Variants in TM9SF2 observed in about 807,000 individuals in gnomAD.
TM9SF2 encodes transmembrane 9 superfamily member 2.
TM9SF2 carries 13 observed loss-of-function variants against 84.9 expected under a neutral mutation model. That is an observed-to-expected ratio of 0.15 (90% CI 0.10 to 0.24). The LOEUF (loss-of-function observed/expected upper bound fraction) is 0.24, where lower values mean the gene tolerates loss of function less well. TM9SF2 is among the 10% of genes least tolerant of loss of function. The pLI is 1.00. For missense variants in TM9SF2, 562 were observed against 818.5 expected (o/e 0.69, Z 3.82); for synonymous variants, 273 against 285.8 (o/e 0.96, Z 0.45).
rs750807128 is a variant in TM9SF2, at chr13:99,501,676, C to G, written c.70C>G (p.Leu24Val). 6.2e-7 allele frequency: 1 copy of G among 1,613,296 alleles called. No homozygotes were observed. The highest frequency in any genetic ancestry group is 8.5e-7 in the Non-Finnish European group (1 of 1,179,762). Residue 24 changes from leucine (L) to valine (V), a missense_variant, in exon 1 of 17, where the codon CTG becomes GTG. This residue lies in a region of TM9SF2 where 267 missense variants were observed against 316.7 expected (regional missense o/e 0.84). Transcript: ENST00000376387. Reference protein sequence around the residue: ...PRLLLLSLLLLGAVPGPRRSG... With the variant: ...PRLLLLSLLLVGAVPGPRRSG... ...GCTGTTGCTGCTGTCGCTGCTCCTG[C>G]TGGGGGCGGTTCCTGGCCCGCGCCG...
chr13:99,547,510 A>G (rs1012012479), intron 11 of TM9SF2, among the ~76,000 whole-genome samples: 2 of 152,256 alleles, frequency 1.3e-5, no homozygotes, highest in Non-Finnish European at 2.9e-5. Flanking sequence ...CTTTTCTTAC[A>G]TATGAGAAGT....
rs2046308712 is a variant in TM9SF2, at chr13:99,552,323, G to A, written c.1485G>A (p.Lys495=). ...TFIGAYFGFK[K]NAIEHPVRTN... Reference sequence around the variant, plus strand: ...TTGGTGCATACTTTGGTTTTAAGAAGAATGTAAGTTTATAGGTGTTAACTT... The same window carrying A: ...TTGGTGCATACTTTGGTTTTAAGAAAAATGTAAGTTTATAGGTGTTAACTT... Residue 495 remains lysine, a synonymous_variant, in exon 13 of 17, where the codon AAG becomes AAA. Coordinates refer to ENST00000376387, the MANE Select transcript of TM9SF2 (RefSeq NM_004800.3). 2 of 1,612,938 alleles carry A rather than the reference G, an allele frequency of 1.2e-6. No homozygotes were observed. The highest frequency in any genetic ancestry group is 8.5e-7 in the Non-Finnish European group (1 of 1,179,588).
chr13:99,526,309 G>A (rs889525956), intron 3 of TM9SF2, among the ~76,000 whole-genome samples: 30 of 152,366 alleles, frequency 2.0e-4, no homozygotes, highest in African/African-American at 7.2e-4. Context: ...CTGTGCTGCT[G>A]AGTTGGATTT....
chr13:99,559,208 A>G (rs73560268), intron 15 of TM9SF2, among the ~76,000 whole-genome samples, 155 bp from the exon 16 acceptor site: 3,772 of 152,292 alleles, frequency 0.025, 163 homozygotes, highest in African/African-American at 0.086. Context: ...AGGAGAGTGG[A>G]ATGGGTGAAG....
At chr13:99,513,545 A>G (rs2046122052) in intron 1 of TM9SF2, among the ~76,000 whole-genome samples, 1 of 152,144 alleles carries the variant, frequency 6.6e-6, no homozygotes, top group Admixed American at 6.5e-5. Flanking sequence ...GTGTCCTAAA[A>G]TTTTTCACAT....
At position 99,559,531 on chromosome 13, in the gene TM9SF2, A is replaced by G; in HGVS notation, c.1921A>G (p.Thr641Ala). ...MIMVLIFFLF[T>A]GTIGFFACFW... ...AATGGTTTTGATCTTCTTTCTTTTT[A>G]CAGGTAAAATTATAATTTAAGTGAT... Residue 641 changes from threonine (T) to alanine (A), a missense_variant, in exon 16 of 17, where the codon ACA becomes GCA. Physicochemically the swap from Thr to Ala is moderately conservative, Grantham distance 58. Transcript: ENST00000376387. 3.1e-6 allele frequency: 5 copies of G among 1,589,760 alleles called. No homozygotes were observed. Among genetic ancestry groups the G allele is most frequent in the Non-Finnish European group, 4.3e-6 (5 of 1,172,114 alleles).
intron 1 of TM9SF2, among the ~76,000 whole-genome samples, chr13:99,515,740 T>TG (rs1484325063): frequency 6.6e-6 from 1 of 151,660 alleles, no homozygotes; most frequent in Non-Finnish European, 1.5e-5. Flanking sequence ...ACTGGTTTTT[T>TG]TTTTTTTTTT....
intron 4 of TM9SF2, among the ~76,000 whole-genome samples, chr13:99,536,048 A>G (rs572648404): frequency 1.3e-5 from 2 of 152,068 alleles, no homozygotes; most frequent in East Asian, 1.9e-4. Context: ...ATATCTTGCA[A>G]TTGTATTCCT....
chr13:99,529,653 C>T, intron 4 of TM9SF2, 59 bp downstream of exon 4: 2 of 1,421,858 alleles, frequency 1.4e-6, no homozygotes, highest in South Asian at 1.7e-5. Context: ...ATCTTTGTTG[C>T]TTTGACTATA....
intron 10 of TM9SF2, among the ~76,000 whole-genome samples, chr13:99,545,661 G>A (rs1314842200): frequency 6.6e-6 from 1 of 151,972 alleles, no homozygotes; most frequent in Non-Finnish European, 1.5e-5. Context: ...CCACCTCCTA[G>A]GTCCAAGTGA....
At chr13:99,508,615 A>G (rs1356340609) in intron 1 of TM9SF2, among the ~76,000 whole-genome samples, 2 of 152,174 alleles carry the variant, frequency 1.3e-5, no homozygotes, top group Non-Finnish European at 2.9e-5. Flanking sequence ...CTGTACAAGC[A>G]TGGCACGGAC....
intron 1 of TM9SF2, among the ~76,000 whole-genome samples, chr13:99,508,434 C>CACACAT (rs144272530): frequency 1.3e-5 from 2 of 151,392 alleles, no homozygotes; most frequent in Non-Finnish European, 2.9e-5. Flanking sequence ...CACACACACA[C>CACACAT]ACACACACAC....
In TM9SF2 at chr13:99,547,021, G is replaced by T; in HGVS notation, c.1187G>T (p.Arg396Leu). The part of the protein sequence containing the change: ...ACLGFLSPAN[R>L]GALMTCAVVL... ...CTGGGATTTTTGTCACCTGCCAACCGAGGAGCGCTGATGACGTGTGCTGTG... is the reference window on the plus strand; with the variant it reads ...CTGGGATTTTTGTCACCTGCCAACCTAGGAGCGCTGATGACGTGTGCTGTG... Residue 396 changes from arginine (R) to leucine (L), a missense_variant, in exon 11 of 17, where the codon CGA becomes CTA. By Grantham distance (102) the Arg-to-Leu change is moderately radical (BLOSUM62 -2). Coordinates refer to ENST00000376387, the MANE Select transcript of TM9SF2 (RefSeq NM_004800.3). 6.2e-7 allele frequency: 1 copy of T among 1,614,152 alleles called. No individual in the cohort carries two copies. Among genetic ancestry groups the T allele is most frequent in the South Asian group, 1.1e-5 (1 of 91,080 alleles).
intron 4 of TM9SF2, among the ~76,000 whole-genome samples, chr13:99,535,808 C>T (rs2046231492): frequency 6.6e-6 from 1 of 152,100 alleles, no homozygotes; most frequent in Non-Finnish European, 1.5e-5. Flanking sequence ...GCAGTGTACT[C>T]TGGGCGCAGG....
chr13:99,538,289 A>C (rs755768674), intron 6 of TM9SF2, among the ~76,000 whole-genome samples: 1 of 152,204 alleles, frequency 6.6e-6, no homozygotes, highest in Non-Finnish European at 1.5e-5. Context: ...GCCACTATGA[A>C]ATACGAGCCA....
Position 99,562,687 on chromosome 13 carries a change from A to G in TM9SF2, c.1925-4A>G, listed in dbSNP as rs1402021045. 1 of 1,612,360 alleles carries G rather than the reference A, an allele frequency of 6.2e-7. No homozygotes were observed. The highest frequency in any genetic ancestry group is 8.5e-7 in the Non-Finnish European group (1 of 1,179,538). ...GGGGTTTATTTTTATTTTTTCTCTTATAGGAACAATTGGCTTCTTTGCATG... is the reference window on the plus strand; with the variant it reads ...GGGGTTTATTTTTATTTTTTCTCTTGTAGGAACAATTGGCTTCTTTGCATG... On this transcript the variant is annotated splice_polypyrimidine_tract_variant and splice_region_variant and intron_variant, in intron 16 of 16. Coordinates refer to ENST00000376387, the MANE Select transcript of TM9SF2 (RefSeq NM_004800.3).
At chr13:99,516,699 A>T (rs1432414336) in intron 1 of TM9SF2, among the ~76,000 whole-genome samples, 2 of 152,294 alleles carry the variant, frequency 1.3e-5, no homozygotes, top group African/African-American at 4.8e-5. Flanking sequence ...GTTGAGCTTG[A>T]TCTGGTCATT....
At chr13:99,548,120 G>A (rs2046291388) in intron 11 of TM9SF2, among the ~76,000 whole-genome samples, 1 of 151,994 alleles carries the variant, frequency 6.6e-6, no homozygotes, top group Non-Finnish European at 1.5e-5. Context: ...CTTACTTCAT[G>A]CCACACTCCC....
intron 6 of TM9SF2, 76 bp from the exon 7 acceptor site, chr13:99,539,370 C>T: frequency 1.1e-6 from 1 of 881,606 alleles, no homozygotes; most frequent in Non-Finnish European, 1.9e-6. Flanking sequence ...AAAATACGTA[C>T]AAAATCTGTA....
Sources: gnomAD v4.1 joint callset for allele counts (sites outside exome capture counted in the v4.1 genomes callset) on GRCh38, gnomAD v4.1.1 for gene constraint, gnomAD v4.1.1 regional missense constraint, MANE v1.5 for transcripts, NCBI Gene and HGNC (gene_info 2026-07-23, HGNC 2026-07-21) for gene names.